Variants in IQANK1 observed in about 807,000 individuals in gnomAD.
The protein encoded by IQANK1 is IQ motif and ankyrin repeat containing 1, also known as IQ motif and ankyrin repeat domain-containing protein 1.
In IQANK1, 30 loss-of-function variants were observed where a neutral mutation model predicts 22.6. The ratio of observed to expected loss-of-function variants is 1.33; its 90% CI spans 0.99 to 1.80. The LOEUF (loss-of-function observed/expected upper bound fraction) is 1.80. Ranked by LOEUF, IQANK1 falls within the 40% of genes most tolerant of loss-of-function variation. The pLI, the probability that IQANK1 is intolerant of heterozygous loss-of-function variation, is 0.00. For synonymous variants in IQANK1, 122 were observed against 99.6 expected (o/e 1.23, Z -1.34); for missense variants, 275 against 235.2 (o/e 1.17, Z -1.11).
In IQANK1 at chr8:143,785,745, G is replaced by A. The variant is rs1449718889; in HGVS notation, c.790-3170G>A. 7.2e-5 allele frequency among the ~76,000 whole-genome samples: 10 copies of A among 138,654 alleles called. No individual in the cohort carries two copies. The Admixed American group carries it at 7.4e-4, about 10-fold the overall frequency. 91.0% of individuals were successfully genotyped at this position (138,654 alleles called of 152,430 possible). A position where few individuals can be genotyped will look rare whatever the true frequency, so the allele number is the denominator to read the frequency against. Reference sequence around the variant, plus strand: ...CAGCTATTTTTTTTTTTTTTTCTCTGAGATGGAATCTTGCTCTGTCACCCA... The same window carrying A: ...CAGCTATTTTTTTTTTTTTTTCTCTAAGATGGAATCTTGCTCTGTCACCCA... On this transcript the variant is annotated intron_variant, in intron 7 of 13. Coordinates refer to ENST00000527139, the MANE Select transcript of IQANK1 (RefSeq NM_001381874.1).
rs556050469 is a variant in IQANK1 at position 143,735,952 on chromosome 8, C to G, written c.85+14C>G. On this transcript the variant is annotated intron_variant, in intron 2 of 13. Transcript: ENST00000527139. This position sits in a 1 kb window ranked among gnomAD's most constrained non-coding sequence, Gnocchi z 5.2. The stretch of plus-strand genomic sequence containing the variant: ...GAGCTGCTGCTGGTAAGTGCACCCT[C>G]TGACCTCCAGAGCACTGTCACCCAG... The G allele has an allele frequency of 7.7e-5, 54 of 702,566 alleles. 1 individual carries two copies. In the South Asian group the frequency reaches 7.8e-4, roughly 10 times the overall value. The allele number at this position is 702,566 out of a possible 1,614,324, so 43.5% of individuals were successfully genotyped here. A position where few individuals can be genotyped will look rare whatever the true frequency, so the allele number is the denominator to read the frequency against.
intron 1 of IQANK1, among the ~76,000 whole-genome samples, chr8:143,734,870 C>T (rs1267942255): frequency 1.3e-5 from 2 of 151,400 alleles, no homozygotes; most frequent in Non-Finnish European, 3.0e-5. Context: ...CCCCGAGCTG[C>T]CCCTGGGTGC....
At chr8:143,780,945 A>AGT (rs1262680178) in intron 7 of IQANK1, among the ~76,000 whole-genome samples, 1 of 151,996 alleles carries the variant, frequency 6.6e-6, no homozygotes, top group Admixed American at 6.6e-5. Context: ...TCCCACCAAC[A>AGT]GTGTGTGTGT....
chr8:143,770,031 A>T (rs1353235863), intron 3 of IQANK1, among the ~76,000 whole-genome samples: 3 of 152,154 alleles, frequency 2.0e-5, no homozygotes, highest in African/African-American at 7.2e-5. Context: ...GAACCGGGGA[A>T]GTGGAAGCAG....
intron 3 of IQANK1, chr8:143,759,266 A>T (rs1041240306): frequency 1.1e-5 from 2 of 175,048 alleles, no homozygotes; most frequent in African/African-American, 2.4e-5. Flanking sequence ...TCTCGCAAAC[A>T]TAGCCTGGTT....
In IQANK1 at chr8:143,789,022, G is replaced by C. The variant is rs945175537; in HGVS notation, c.897G>C (p.Glu299Asp). The change falls in exon 8 of 14, where the codon GAG becomes GAC. Residue 299 changes from glutamate to aspartate, a missense_variant. Glu to Asp is a conservative substitution (Grantham distance 45). Transcript: ENST00000527139. ...CTGAGCAGCAGCGCCGGGCCCAGGA[G>C]GCCCAGAGGCACAAGGAGGCCGAGG... ...MEAEQQRRAQEAQRHKEAEAE... is the reference protein window; with the variant it reads ...MEAEQQRRAQDAQRHKEAEAE... The C allele has an allele frequency of 1.2e-4, 50 of 400,196 alleles. No individual in the cohort carries two copies. In the Admixed American group the frequency reaches 2.0e-3, roughly 16 times the overall value. 24.8% of individuals were successfully genotyped at this position (400,196 alleles called of 1,614,324 possible).
At chr8:143,750,502 T>C (rs1233796889) in intron 3 of IQANK1, among the ~76,000 whole-genome samples, 1 of 152,202 alleles carries the variant, frequency 6.6e-6, no homozygotes, top group African/African-American at 2.4e-5. Flanking sequence ...TCTCTGTCTT[T>C]TGATTGGAGA....
At chr8:143,782,683 G>T (rs1819817752) in intron 7 of IQANK1, among the ~76,000 whole-genome samples, 1 of 152,104 alleles carries the variant, frequency 6.6e-6, no homozygotes, top group African/African-American at 2.4e-5. Flanking sequence ...CTTCATGTTG[G>T]ACAGGCTGGT....
chr8:143,772,069 G>A lies in IQANK1; in HGVS notation c.489G>A (p.Thr163=). ...CTGCGCAGGTGGAGCAGCTGCTGAC[G>A]CGCGAGGGCGTGGGCCACGACGAGG... ...AVLKEVEQLL[T]REGVGHDEAG... Residue 163 remains threonine, a synonymous_variant, in exon 6 of 14, where the codon ACG becomes ACA. Coordinates refer to ENST00000527139, the MANE Select transcript of IQANK1 (RefSeq NM_001381874.1). The A allele has an allele frequency of 1.0e-5, 4 of 396,374 alleles. No homozygotes were observed. Among genetic ancestry groups the A allele is most frequent in the Non-Finnish European group, 1.8e-5 (4 of 224,690 alleles). 24.6% of individuals were successfully genotyped at this position (396,374 alleles called of 1,614,324 possible). A position where few individuals can be genotyped will look rare whatever the true frequency, so the allele number is the denominator to read the frequency against.
chr8:143,746,499 C>T (rs370653542), intron 3 of IQANK1, among the ~76,000 whole-genome samples: 124 of 152,260 alleles, frequency 8.1e-4, no homozygotes, highest in African/African-American at 2.7e-3. Context: ...CCTCCCATCT[C>T]AGCCTCCCAA....
intron 3 of IQANK1, among the ~76,000 whole-genome samples, chr8:143,750,412 ATGTT>A (rs1372141830): frequency 1.3e-5 from 2 of 151,894 alleles, no homozygotes; most frequent in African/African-American, 4.8e-5. Context: ...TTCATTTTCA[ATGTT>A]TGTGTTTTTC....
rs1196085343 is a variant in IQANK1 at position 143,748,573 on chromosome 8, A to C, written c.175+8625A>C. Among the ~76,000 whole-genome samples the C allele has an allele frequency of 7.4e-5, 10 of 134,278 alleles. No homozygotes were observed. In the South Asian group the frequency reaches 1.5e-3, roughly 20 times the overall value. 88.1% of individuals were successfully genotyped at this position (134,278 alleles called of 152,430 possible). A position where few individuals can be genotyped will look rare whatever the true frequency, so the allele number is the denominator to read the frequency against. On this transcript the variant is annotated intron_variant, in intron 3 of 13. Coordinates refer to ENST00000527139, the MANE Select transcript of IQANK1 (RefSeq NM_001381874.1). ...AAATATAGATATATATATCATATATAATATATAAATATAGATATGATATAT... is the reference window on the plus strand; with the variant it reads ...AAATATAGATATATATATCATATATCATATATAAATATAGATATGATATAT...
chr8:143,789,573 C>G (rs560172747), intron 10 of IQANK1, 45 bp downstream of exon 10: 100 of 1,231,890 alleles, frequency 8.1e-5, no homozygotes, highest in Non-Finnish European at 1.0e-4. Flanking sequence ...GTCCTCAACA[C>G]CCCTCCTTGT....
chr8:143,734,365 C>G (rs1247098233), intron 1 of IQANK1, 146 bp downstream of exon 1: 1 of 151,826 alleles, frequency 6.6e-6, no homozygotes, highest in Non-Finnish European at 1.5e-5. Flanking sequence ...CAGAGGACCC[C>G]CAGACCCCAA....
chr8:143,752,996 GTTTTTTTTT>G (rs34993930), intron 3 of IQANK1, among the ~76,000 whole-genome samples: 1 of 69,938 alleles, frequency 1.4e-5, no homozygotes, highest in Non-Finnish European at 2.3e-5. Context: ...CTCTCTGTTC[GTTTTTTTTT>G]TTTTTTTTTT....
chr8:143,777,288 CG>C (rs1298445350), intron 7 of IQANK1, among the ~76,000 whole-genome samples: 3 of 151,670 alleles, frequency 2.0e-5, no homozygotes, highest in Non-Finnish European at 4.4e-5. Context: ...AGCTGAGGTG[CG>C]TAGATCACCT....
chr8:143,785,706 T>G (rs1587495261), intron 7 of IQANK1, among the ~76,000 whole-genome samples: 1 of 148,136 alleles, frequency 6.8e-6, no homozygotes, highest in East Asian at 2.0e-4. Context: ...ACTACAGGCT[T>G]GAGCCACCAT....
chr8:143,749,391 ATAAT>A (rs1272701293), intron 3 of IQANK1, among the ~76,000 whole-genome samples: 1 of 132,316 alleles, frequency 7.6e-6, no homozygotes, highest in Non-Finnish European at 1.5e-5. Context: ...ATGTGAATAT[ATAAT>A]TATATATCAT....
chr8:143,779,207 ATAAT>A (rs1399233558), intron 7 of IQANK1, among the ~76,000 whole-genome samples: 2 of 152,218 alleles, frequency 1.3e-5, no homozygotes, highest in Non-Finnish European at 2.9e-5. Context: ...CCATGTTTAA[ATAAT>A]TATTCACTTA....
Sources: allele counts gnomAD v4.1 joint callset (sites outside exome capture counted in the v4.1 genomes callset), GRCh38; gene constraint gnomAD v4.1.1; non-coding constraint Gnocchi (gnomAD v3.1); transcripts MANE v1.5; gene names NCBI Gene and HGNC (gene_info 2026-07-23, HGNC 2026-07-21).